Variants in MFAP3L observed in about 807,000 individuals in gnomAD.
MFAP3L encodes the protein microfibrillar-associated protein 3-like.
In MFAP3L, 5 loss-of-function variants were observed where a neutral mutation model predicts 20.0. That is an observed-to-expected ratio of 0.25 (90% confidence interval 0.13 to 0.53). The LOEUF (loss-of-function observed/expected upper bound fraction) is 0.53. Among genes scored for constraint, MFAP3L ranks in the 20% least tolerant of loss-of-function variants. The pLI, the probability that MFAP3L is intolerant of heterozygous loss-of-function variation, is 0.96. For synonymous variants in MFAP3L, 219 were observed against 213.0 expected (o/e 1.03, Z -0.25); for missense variants, 409 against 527.5 (o/e 0.78, Z 2.20).
At chr4:169,998,718 T>C (rs1458615888) in intron 2 of MFAP3L, among the ~76,000 whole-genome samples, 1 of 152,222 alleles carries the variant, frequency 6.6e-6, no homozygotes, top group African/African-American at 2.4e-5. Flanking sequence ...TATAAACAGA[T>C]TAAAACTGTA....
chr4:169,998,249 G>A (rs1479034719), intron 2 of MFAP3L, among the ~76,000 whole-genome samples: 1 of 152,236 alleles, frequency 6.6e-6, no homozygotes. Context: ...GGCAATGAGA[G>A]AACAGATCAA....
rs575136801 is a variant in MFAP3L, at chr4:170,025,949, G to A, written c.-134+285C>T. ...AGGAGGCTCGCCGGCAGCTGGCAGTGGATTCCGCGCTCCTCGCCCTCGGAA... is the reference window on the plus strand; with the variant it reads ...AGGAGGCTCGCCGGCAGCTGGCAGTAGATTCCGCGCTCCTCGCCCTCGGAA... On this transcript the variant is annotated intron_variant, in intron 1 of 2. Transcript: ENST00000361618. Among the ~76,000 whole-genome samples, 24 of 152,232 alleles carry A rather than the reference G, an allele frequency of 1.6e-4. No homozygotes were observed. The East Asian group carries it at 4.1e-3, about 26-fold the overall frequency.
intron 1 of MFAP3L, among the ~76,000 whole-genome samples, chr4:170,022,675 T>C (rs1740109400): frequency 1.3e-5 from 2 of 152,130 alleles, no homozygotes; most frequent in Non-Finnish European, 2.9e-5. Context: ...AAAGGTTCTT[T>C]CACGTGAAAG....
At chr4:170,019,316 G>A (rs1739887021) in intron 1 of MFAP3L, among the ~76,000 whole-genome samples, 2 of 152,246 alleles carry the variant, frequency 1.3e-5, no homozygotes, top group African/African-American at 4.8e-5. Flanking sequence ...GGGAGGCAGA[G>A]TCTGGAGATA....
intron 1 of MFAP3L, among the ~76,000 whole-genome samples, chr4:170,006,280 T>G (rs1245090832): frequency 1.3e-5 from 2 of 152,034 alleles, no homozygotes; most frequent in Non-Finnish European, 2.9e-5. Flanking sequence ...GTCTGGCTAA[T>G]TTTTGTATTT....
chr4:170,009,137 C>A (rs1327878267), intron 1 of MFAP3L, among the ~76,000 whole-genome samples: 1 of 152,126 alleles, frequency 6.6e-6, no homozygotes, highest in Non-Finnish European at 1.5e-5. Flanking sequence ...GTAATCCTAG[C>A]ACTTTGGGAG....
chr4:170,015,865 C>T (rs1463930430), intron 1 of MFAP3L, among the ~76,000 whole-genome samples: 2 of 152,166 alleles, frequency 1.3e-5, no homozygotes, highest in Non-Finnish European at 2.9e-5. Context: ...CGGACCCAAC[C>T]TTTCCTCTTC....
In MFAP3L at chr4:169,992,596, C is replaced by T. The variant is rs572433861; in HGVS notation, c.299-287G>A. On this transcript the variant is annotated intron_variant, in intron 2 of 2. Transcript: ENST00000361618. The surrounding 1 kb of genome is among the most constrained non-coding windows in gnomAD (Gnocchi z 4.3). Reference sequence around the variant, plus strand: ...CTCCCAAGGGCACCGGCTTGGAAGCCGTAGAACTGAAGATGAACTTGAGTT... The same window carrying T: ...CTCCCAAGGGCACCGGCTTGGAAGCTGTAGAACTGAAGATGAACTTGAGTT... Among the ~76,000 whole-genome samples the T allele has an allele frequency of 5.9e-5, 9 of 152,294 alleles. No individual in the cohort carries two copies. The highest frequency in any genetic ancestry group is 2.0e-4 in the Admixed American group (3 of 15,304).
At chr4:170,021,486 T>C (rs1221709578) in intron 1 of MFAP3L, among the ~76,000 whole-genome samples, 1 of 152,254 alleles carries the variant, frequency 6.6e-6, no homozygotes, top group Non-Finnish European at 1.5e-5. Flanking sequence ...ATGCTAGCTA[T>C]ACAATATAAA....
Position 169,990,735 on chromosome 4 carries a change from AAAT to A in MFAP3L, c.*640_*642del, listed in dbSNP as rs1373552293. 2 of 152,594 alleles carry A rather than the reference AAAT, an allele frequency of 1.3e-5. No individual in the cohort carries two copies. 9.5% of individuals were successfully genotyped at this position (152,594 alleles called of 1,614,324 possible). A position where few individuals can be genotyped will look rare whatever the true frequency, so the allele number is the denominator to read the frequency against. On this transcript the variant is annotated 3_prime_UTR_variant, in exon 3 of 3. Coordinates refer to ENST00000361618, the MANE Select transcript of MFAP3L (RefSeq NM_021647.8). ...GAAATAGGCCTGGGGAATGAAAAAA[AAAT>A]AACAAGCCTCGTAACTACTTTGGAA...
chr4:170,003,323 G>A (rs1182942396), intron 2 of MFAP3L, among the ~76,000 whole-genome samples: 1 of 152,176 alleles, frequency 6.6e-6, no homozygotes, highest in Non-Finnish European at 1.5e-5. Flanking sequence ...GCGGCCACTA[G>A]CTTGGGGTCT....
chr4:170,006,268 A>G (rs1739029309), intron 1 of MFAP3L, among the ~76,000 whole-genome samples: 1 of 151,984 alleles, frequency 6.6e-6, no homozygotes, highest in Non-Finnish European at 1.5e-5. Context: ...ACCCACCAAC[A>G]TGTCTGGCTA....
At position 169,986,604 on chromosome 4, in the gene MFAP3L, C is replaced by T. The variant is rs1163386793; in HGVS notation, c.*4774G>A. ...GGTGGGACACAACACACATTCCACA[C>T]AGCTGTGCAAACCCTTTATTAAAGC... On this transcript the variant is annotated 3_prime_UTR_variant, in exon 3 of 3. Coordinates refer to ENST00000361618, the MANE Select transcript of MFAP3L (RefSeq NM_021647.8). 6.6e-6 allele frequency: 1 copy of T among 152,234 alleles called. No individual in the cohort carries two copies. Among genetic ancestry groups the T allele is most frequent in the African/African-American group, 2.4e-5 (1 of 41,466 alleles). 9.4% of individuals were successfully genotyped at this position (152,234 alleles called of 1,614,324 possible). A position where few individuals can be genotyped will look rare whatever the true frequency, so the allele number is the denominator to read the frequency against.
intron 2 of MFAP3L, among the ~76,000 whole-genome samples, chr4:170,000,408 G>A (rs962639670): frequency 6.6e-6 from 1 of 152,060 alleles, no homozygotes; most frequent in Non-Finnish European, 1.5e-5. Flanking sequence ...AAGAAACAGG[G>A]ATTTTTAGCA....
intron 1 of MFAP3L, among the ~76,000 whole-genome samples, chr4:170,013,832 C>T (rs1387736365): frequency 1.3e-5 from 2 of 152,178 alleles, no homozygotes; most frequent in African/African-American, 2.4e-5. Context: ...GTTACCCAGG[C>T]TGGAGTGCAG....
chr4:170,000,468 A>T (rs895395026), intron 2 of MFAP3L, among the ~76,000 whole-genome samples: 1 of 152,184 alleles, frequency 6.6e-6, no homozygotes, highest in African/African-American at 2.4e-5. Flanking sequence ...CAATAATAAT[A>T]GCAGTGCCAC....
intron 2 of MFAP3L, among the ~76,000 whole-genome samples, chr4:169,998,331 T>C (rs1019196722): frequency 6.6e-6 from 1 of 152,244 alleles, no homozygotes; most frequent in African/African-American, 2.4e-5. Flanking sequence ...TGTGACTTAG[T>C]GTGAAACCAA....
rs755624426 is a variant in MFAP3L, at chr4:169,991,775, T to C, written c.833A>G (p.Gln278Arg). 1.1e-5 allele frequency: 17 copies of C among 1,613,898 alleles called. No homozygotes were observed. Among genetic ancestry groups the C allele is most frequent in the Admixed American group, 3.3e-5 (2 of 60,000 alleles). ...QNFVRHTPEGQEAADRDEVYT... is the reference protein window; with the variant it reads ...QNFVRHTPEGREAADRDEVYT... ...GACCTCATCCCTGTCTGCGGCCTCC[T>C]GGCCCTCTGGAGTATGCCTCACAAA... is the stretch of plus-strand genomic sequence containing the variant. Residue 278 changes from glutamine to arginine, a missense_variant, in exon 3 of 3, where the codon CAG becomes CGG. Physicochemically the swap from Gln to Arg is conservative, Grantham distance 43. Coordinates refer to ENST00000361618, the MANE Select transcript of MFAP3L (RefSeq NM_021647.8). The surrounding 1 kb of genome is among the most constrained non-coding windows in gnomAD (Gnocchi z 4.9).
intron 1 of MFAP3L, among the ~76,000 whole-genome samples, chr4:170,021,885 G>A (rs185114804): frequency 2.7e-4 from 41 of 152,284 alleles, no homozygotes; most frequent in Admixed American, 1.3e-3. Context: ...GGAGCCCATC[G>A]CAAACATTGG....
Sources: allele counts gnomAD v4.1 joint callset (sites outside exome capture counted in the v4.1 genomes callset), GRCh38; gene constraint gnomAD v4.1.1; non-coding constraint Gnocchi (gnomAD v3.1); transcripts MANE v1.5; gene names NCBI Gene and HGNC (gene_info 2026-07-23, HGNC 2026-07-21).